METTL16: variants seen among roughly 807,000 people sequenced by gnomAD.
The protein encoded by METTL16 is RNA N(6)-adenosine-methyltransferase METTL16.
In METTL16, 19 loss-of-function variants were observed where a neutral mutation model predicts 57.9. That is an observed-to-expected ratio of 0.33 (90% CI 0.23 to 0.48). The LOEUF is 0.48. Ranked by LOEUF, METTL16 falls within the 20% of genes least tolerant of loss-of-function variation. The probability of loss-of-function intolerance (pLI) is 0.99; values close to 1 mark genes in which losing one functional copy is unlikely to be tolerated. For missense variants in METTL16, 434 were observed against 691.5 expected, an observed-to-expected ratio of 0.63 and a Z score of 4.18; for synonymous variants, 246 against 255.6, an observed-to-expected ratio of 0.96 and a Z score of 0.36.
At chr17:2,505,290 T>C (rs373320620) in intron 1 of METTL16, among the ~76,000 whole-genome samples, 4 of 151,886 alleles carry the variant, frequency 2.6e-5, no homozygotes, top group East Asian at 3.9e-4. Flanking sequence ...AGTCAGTTGA[T>C]AGTTTCTCAT....
intron 2 of METTL16, among the ~76,000 whole-genome samples, chr17:2,486,883 A>G (rs1444451509): frequency 1.3e-5 from 2 of 149,888 alleles, no homozygotes; most frequent in Admixed American, 1.3e-4. Context: ...TAGGCGGGGG[A>G]GTGGGAGTAG....
In METTL16 at chr17:2,435,592, CG is replaced by C. The variant is rs577159531; in HGVS notation, c.888+2516del. On this transcript the variant is annotated intron_variant, in intron 8 of 9. Transcript: ENST00000263092. ...TGGGTTACTACAAATCAGGAATTGC[CG>C]TTTTTTCCTGTAGCGGCTGAAGTGC... is the stretch of plus-strand genomic sequence containing the variant. Among the ~76,000 whole-genome samples the C allele has an allele frequency of 2.0e-5, 3 of 152,084 alleles. No homozygotes were observed. In the South Asian group the frequency reaches 6.2e-4, roughly 32 times the overall value.
intron 4 of METTL16, among the ~76,000 whole-genome samples, chr17:2,470,809 A>G (rs1050553412): frequency 3.9e-5 from 6 of 152,188 alleles, no homozygotes; most frequent in Non-Finnish European, 8.8e-5. Flanking sequence ...AAAATTAAAT[A>G]AGTAAATACC....
At chr17:2,437,978 C>G in intron 8 of METTL16, 131 bp downstream of exon 8, 1 of 695,808 alleles carries the variant, frequency 1.4e-6, no homozygotes, top group Non-Finnish European at 2.6e-6. Flanking sequence ...GTTACAACCC[C>G]TTTCCATTCT....
intron 1 of METTL16, among the ~76,000 whole-genome samples, chr17:2,505,133 T>C (rs2067520551): frequency 6.6e-6 from 1 of 152,080 alleles, no homozygotes; most frequent in Non-Finnish European, 1.5e-5. Flanking sequence ...TCCAGGTAGT[T>C]GGTAATTTAA....
At chr17:2,442,294 A>G (rs2066958836) in intron 6 of METTL16, among the ~76,000 whole-genome samples, 1 of 152,222 alleles carries the variant, frequency 6.6e-6, no homozygotes, top group African/African-American at 2.4e-5. Flanking sequence ...AGTCCCAGAA[A>G]CAAATGAGGT....
chr17:2,434,223 C>T (rs2066894333), intron 8 of METTL16, among the ~76,000 whole-genome samples: 1 of 152,096 alleles, frequency 6.6e-6, no homozygotes, highest in Admixed American at 6.6e-5. Flanking sequence ...TTTTGAGACC[C>T]AGTCTCACTC....
chr17:2,510,191 C>T lies in METTL16; in HGVS notation c.-1+1568G>A, dbSNP rs899079500. On this transcript the variant is annotated intron_variant, in intron 1 of 9. Coordinates refer to ENST00000263092, the MANE Select transcript of METTL16 (RefSeq NM_024086.4). ...AAATATTTTCCCAATTTATGGGGGA[C>T]ATGTGACATTTATGCGGTATTTGTT... Among the ~76,000 whole-genome samples the T allele has an allele frequency of 5.3e-5, 8 of 152,228 alleles. No homozygotes were observed. The South Asian group carries it at 1.2e-3, about 24-fold the overall frequency.
chr17:2,508,536 A>T (rs764568404), intron 1 of METTL16, among the ~76,000 whole-genome samples: 39 of 152,094 alleles, frequency 2.6e-4, no homozygotes, highest in Non-Finnish European at 4.9e-4. Flanking sequence ...ACAACACACC[A>T]GGTCCTGAAT....
Position 2,473,444 on chromosome 17 carries a change from GA to G in METTL16, c.469+79del, listed in dbSNP as rs2067248416. ...AAATTACCGAAGTCTGTGTATTAAA[GA>G]AAAAGGTAATGAAATGCGTTAAACT... On this transcript the variant is annotated intron_variant, in intron 4 of 9. Transcript: ENST00000263092. 2.7e-5 allele frequency: 40 copies of G among 1,466,394 alleles called. 2 individuals are homozygous for G. In the East Asian group the frequency reaches 8.9e-4, roughly 33 times the overall value. The allele number at this position is 1,466,394 out of a possible 1,614,324, so 90.8% of individuals were successfully genotyped here.
intron 8 of METTL16, among the ~76,000 whole-genome samples, chr17:2,430,754 A>G (rs2066867984): frequency 6.6e-6 from 1 of 151,894 alleles, no homozygotes; most frequent in Non-Finnish European, 1.5e-5. Context: ...AAATTGAAAT[A>G]TAGATACAGA....
intron 6 of METTL16, among the ~76,000 whole-genome samples, chr17:2,446,024 G>A (rs779473343): frequency 1.4e-4 from 21 of 151,996 alleles, no homozygotes; most frequent in Non-Finnish European, 2.4e-4. Flanking sequence ...CACCTCAATA[G>A]ACTAGAAAAA....
intron 2 of METTL16, among the ~76,000 whole-genome samples, chr17:2,489,102 C>G (rs1330299657): frequency 1.7e-5 from 2 of 119,702 alleles, no homozygotes; most frequent in Non-Finnish European, 3.4e-5. Context: ...TCAAGCTAAA[C>G]TTTTCATTCT....
At chr17:2,448,800 T>TAAA (rs1491334811) in intron 6 of METTL16, among the ~76,000 whole-genome samples, 35 of 64,270 alleles carry the variant, frequency 5.4e-4, no homozygotes, top group African/African-American at 2.7e-3. Flanking sequence ...AAAAATAAAA[T>TAAA]TTAAAAAAAA....
rs576650022 is a variant in METTL16 at position 2,430,566 on chromosome 17, C to T, written c.888+7543G>A. On this transcript the variant is annotated intron_variant, in intron 8 of 9. Transcript: ENST00000263092. ...GAGTAGCTGGGACTACAGGCGCCCA[C>T]CACCACGCCGGGCTAATTTTTTTGT... Among the ~76,000 whole-genome samples the T allele has an allele frequency of 2.0e-5, 3 of 147,728 alleles. No homozygotes were observed. The East Asian group carries it at 6.4e-4, about 31-fold the overall frequency.
chr17:2,488,968 A>G (rs1292927015), intron 2 of METTL16, among the ~76,000 whole-genome samples: 1 of 152,246 alleles, frequency 6.6e-6, no homozygotes, highest in Non-Finnish European at 1.5e-5. Flanking sequence ...TCAAATAAGC[A>G]ATTAGATAGT....
intron 4 of METTL16, among the ~76,000 whole-genome samples, chr17:2,468,651 C>T (rs539763873): frequency 2.6e-5 from 4 of 152,260 alleles, no homozygotes; most frequent in African/African-American, 9.6e-5. Flanking sequence ...GAGGCCAAGA[C>T]GGGAGAACTG....
Position 2,468,652 on chromosome 17 carries a change from G to A in METTL16, c.470-776C>T, listed in dbSNP as rs139637421. On this transcript the variant is annotated intron_variant, in intron 4 of 9. Transcript: ENST00000263092. Reference sequence around the variant, plus strand: ...TCCCAGTGCTTTGGGAGGCCAAGACGGGAGAACTGCTTGAGACCAAGAGTT... The same window carrying A: ...TCCCAGTGCTTTGGGAGGCCAAGACAGGAGAACTGCTTGAGACCAAGAGTT... 6.1e-3 allele frequency among the ~76,000 whole-genome samples: 935 copies of A among 152,310 alleles called. 10 individuals carry two copies. Among genetic ancestry groups the A allele is most frequent in the African/African-American group, 0.022 (894 of 41,548 alleles).
rs1008531259 is a variant in METTL16, at chr17:2,417,084, T to A, written c.*2886A>T. ...TTTTTTTTTTTTTTTTTTTTTTTTT[T>A]TGAGACAGTCCCACTTTGTCGCCCA... On this transcript the variant is annotated 3_prime_UTR_variant, in exon 10 of 10. Coordinates refer to ENST00000263092, the MANE Select transcript of METTL16 (RefSeq NM_024086.4). 449 of 139,920 alleles carry A rather than the reference T, an allele frequency of 3.2e-3. 7 individuals carry two copies. Among genetic ancestry groups the A allele is most frequent in the African/African-American group, 0.011 (413 of 36,724 alleles). 8.7% of individuals were successfully genotyped at this position (139,920 alleles called of 1,614,324 possible). A position where few individuals can be genotyped will look rare whatever the true frequency, so the allele number is the denominator to read the frequency against.
Sources: gnomAD v4.1 joint callset for allele counts (sites outside exome capture counted in the v4.1 genomes callset) on GRCh38, gnomAD v4.1.1 for gene constraint, MANE v1.5 for transcripts, NCBI Gene and HGNC (gene_info 2026-07-23, HGNC 2026-07-21) for gene names.